Variants in FGGY observed in about 807,000 individuals in gnomAD.
The protein encoded by FGGY is FGGY carbohydrate kinase domain-containing protein.
Under a neutral mutation model 71.3 loss-of-function variants are expected in FGGY, and 72 were observed. The observed-to-expected ratio is 1.01, with a 90% CI of 0.84 to 1.23. The LOEUF (loss-of-function observed/expected upper bound fraction) is 1.23, where lower values mean the gene tolerates loss of function less well. Among genes scored for constraint, FGGY ranks in the 50% most tolerant of loss-of-function variants. FGGY has a pLI of 0.00. For synonymous variants in FGGY, 251 were observed against 250.3 expected (o/e 1.00, Z -0.02); for missense variants, 668 against 682.3 (o/e 0.98, Z 0.23).
intron 1 of FGGY, chr1:59,310,291 T>G (rs1239517206): frequency 6.6e-6 from 1 of 152,282 alleles, no homozygotes; most frequent in South Asian, 2.1e-4. Flanking sequence ...CTGTAGAAAA[T>G]CATTTCATAG....
chr1:59,373,285 A>T (rs1285641442), intron 4 of FGGY, among the ~76,000 whole-genome samples: 1 of 152,226 alleles, frequency 6.6e-6, no homozygotes, highest in Non-Finnish European at 1.5e-5. Flanking sequence ...CAGCCAAATC[A>T]TGAGTGAACT....
intron 14 of FGGY, among the ~76,000 whole-genome samples, chr1:59,691,884 A>C (rs917978248): frequency 5.9e-5 from 9 of 152,124 alleles, no homozygotes; most frequent in African/African-American, 2.2e-4. Flanking sequence ...TCATTTTCAC[A>C]GACCCCTTAT....
intron 14 of FGGY, among the ~76,000 whole-genome samples, chr1:59,735,440 T>A (rs2098092178): frequency 1.3e-5 from 2 of 152,220 alleles, no homozygotes; most frequent in Admixed American, 1.3e-4. Context: ...ATTGTGGTCT[T>A]CTCTGAGTAT....
At chr1:59,540,726 C>T (rs2095427211) in intron 7 of FGGY, among the ~76,000 whole-genome samples, 1 of 152,138 alleles carries the variant, frequency 6.6e-6, no homozygotes, top group South Asian at 2.1e-4. Flanking sequence ...CTGTGCTAGG[C>T]ACTGGGAATG....
intron 8 of FGGY, among the ~76,000 whole-genome samples, chr1:59,561,943 G>A (rs1259440980): frequency 6.6e-6 from 1 of 152,104 alleles, no homozygotes; most frequent in African/African-American, 2.4e-5. Flanking sequence ...AAAAGCACTG[G>A]TCATTAGGGA....
At chr1:59,694,316 TA>T (rs1418244375) in intron 14 of FGGY, among the ~76,000 whole-genome samples, 2 of 143,696 alleles carry the variant, frequency 1.4e-5, no homozygotes, top group African/African-American at 5.8e-5. Flanking sequence ...AATAAATAAA[TA>T]AATAAATAAA....
At position 59,657,027 on chromosome 1, in the gene FGGY, T is replaced by G. The variant is rs139944764; in HGVS notation, c.1222-3192T>G. 2.0e-5 allele frequency among the ~76,000 whole-genome samples: 3 copies of G among 152,356 alleles called. No individual in the cohort carries two copies. In the East Asian group the frequency reaches 5.8e-4, roughly 29 times the overall value. ...TGATATCTTTTTGCATGAATACCAA[T>G]GCTTTTTGGAAATTCTCGTGGATAT... On this transcript the variant is annotated intron_variant, in intron 11 of 15. Coordinates refer to ENST00000303721, the MANE Select transcript of FGGY (RefSeq NM_018291.5).
At chr1:59,452,821 C>T (rs559566310) in intron 5 of FGGY, among the ~76,000 whole-genome samples, 1 of 152,320 alleles carries the variant, frequency 6.6e-6, no homozygotes, top group African/African-American at 2.4e-5. Flanking sequence ...TTAGAAGCAA[C>T]TCAGACTGCC....
At chr1:59,564,623 C>G (rs563232772) in intron 8 of FGGY, among the ~76,000 whole-genome samples, 1 of 152,346 alleles carries the variant, frequency 6.6e-6, no homozygotes, top group Admixed American at 6.5e-5. Flanking sequence ...TCCACACTTA[C>G]TAGAATGGCT....
At chr1:59,354,862 G>T (rs568782809) in intron 4 of FGGY, among the ~76,000 whole-genome samples, 1 of 152,358 alleles carries the variant, frequency 6.6e-6, no homozygotes, top group African/African-American at 2.4e-5. Context: ...GCGAGTGTGG[G>T]CCTCTCTTGG....
At chr1:59,482,877 C>T (rs965778720) in intron 6 of FGGY, among the ~76,000 whole-genome samples, 2 of 151,728 alleles carry the variant, frequency 1.3e-5, no homozygotes, top group Admixed American at 6.6e-5. Flanking sequence ...CTTTTTGGGC[C>T]CCATTTTCTA....
chr1:59,464,105 A>G (rs1258675451), intron 6 of FGGY, among the ~76,000 whole-genome samples: 1 of 152,246 alleles, frequency 6.6e-6, no homozygotes, highest in East Asian at 1.9e-4. Context: ...AATTGACCAC[A>G]TAGTTGGAAG....
At chr1:59,308,315 A>G (rs1385857749) in intron 1 of FGGY, among the ~76,000 whole-genome samples, 2 of 152,200 alleles carry the variant, frequency 1.3e-5, no homozygotes, top group African/African-American at 4.8e-5. Context: ...ATCCTTTGGG[A>G]TAAAAATTAG....
At chr1:59,474,547 A>C (rs59142277) in intron 6 of FGGY, among the ~76,000 whole-genome samples, 4,392 of 152,298 alleles carry the variant, frequency 0.029, 204 homozygotes, top group African/African-American at 0.1. Flanking sequence ...CAATGTGAGG[A>C]CATTTAGCCA....
intron 14 of FGGY, among the ~76,000 whole-genome samples, chr1:59,697,282 A>G (rs1405703836): frequency 6.6e-6 from 1 of 152,156 alleles, no homozygotes; most frequent in Admixed American, 6.5e-5. Context: ...AACCATCACC[A>G]CCATCCATCT....
chr1:59,405,852 G>A (rs549458702), intron 5 of FGGY, among the ~76,000 whole-genome samples: 2 of 152,038 alleles, frequency 1.3e-5, no homozygotes, highest in Admixed American at 6.5e-5. Context: ...CTGCTCTCTG[G>A]TGCTATGTTA....
chr1:59,369,578 G>A (rs1470141711), intron 4 of FGGY, among the ~76,000 whole-genome samples: 4 of 152,212 alleles, frequency 2.6e-5, no homozygotes, highest in African/African-American at 4.8e-5. Flanking sequence ...CCAGCACGCA[G>A]CTGGAGATCT....
intron 14 of FGGY, among the ~76,000 whole-genome samples, chr1:59,689,870 A>ACTCCCTC (rs1238500992): frequency 6.6e-6 from 1 of 151,824 alleles, no homozygotes; most frequent in Admixed American, 6.6e-5. Context: ...CTCAAAATCT[A>ACTCCCTC]CTCCCTCCTC....
chr1:59,511,261 C>G (rs553142730), intron 6 of FGGY, among the ~76,000 whole-genome samples: 6 of 152,136 alleles, frequency 3.9e-5, no homozygotes, highest in Non-Finnish European at 7.3e-5. Flanking sequence ...ACCTCTACCC[C>G]CAGAGGTCCT....
Sources: allele counts gnomAD v4.1 joint callset (sites outside exome capture counted in the v4.1 genomes callset), GRCh38; gene constraint gnomAD v4.1.1; transcripts MANE v1.5; gene names NCBI Gene and HGNC (gene_info 2026-07-23, HGNC 2026-07-21).